The following SGSM1 variants were observed in gnomAD, a reference collection of about 807,000 sequenced individuals.
SGSM1 encodes the protein RUN and TBC1 domain containing 2.
A neutral mutation model predicts 133.8 loss-of-function variants in SGSM1; 73 were observed. The observed-to-expected ratio is 0.55, with a 90% CI of 0.45 to 0.66. SGSM1 has a LOEUF of 0.66. Among genes scored for constraint, SGSM1 ranks in the 30% least tolerant of loss-of-function variants. The pLI, the probability that SGSM1 is intolerant of heterozygous loss-of-function variation, is 0.00. For synonymous variants in SGSM1, 563 were observed against 573.0 expected (o/e 0.98, Z 0.25); for missense variants, 1,213 against 1,448.1 (o/e 0.84, Z 2.64).
chr22:24,823,073 A>G (rs1928576010), intron 2 of SGSM1, among the ~76,000 whole-genome samples: 1 of 152,104 alleles, frequency 6.6e-6, no homozygotes, highest in Admixed American at 6.5e-5. Context: ...TTGCCCTGCC[A>G]TTTCTAAGCC....
chr22:24,864,981 A>G (rs1441398013), intron 9 of SGSM1, among the ~76,000 whole-genome samples: 1 of 152,216 alleles, frequency 6.6e-6, no homozygotes, highest in Non-Finnish European at 1.5e-5. Flanking sequence ...ACCACTGAAT[A>G]AGCATATAGG....
chr22:24,871,284 G>A (rs965558004), intron 12 of SGSM1, among the ~76,000 whole-genome samples: 3 of 152,180 alleles, frequency 2.0e-5, no homozygotes, highest in African/African-American at 7.2e-5. Context: ...ATTCAGCTCT[G>A]CCACTGCGGT....
intron 14 of SGSM1, among the ~76,000 whole-genome samples, chr22:24,881,521 G>A (rs1932323299): frequency 6.6e-6 from 1 of 151,462 alleles, no homozygotes; most frequent in East Asian, 1.9e-4. Flanking sequence ...AGTTGAGATC[G>A]CGCCACTGCA....
intron 2 of SGSM1, among the ~76,000 whole-genome samples, chr22:24,823,088 G>A (rs768538680): frequency 3.9e-5 from 6 of 152,118 alleles, no homozygotes; most frequent in Non-Finnish European, 7.3e-5. Context: ...TAAGCCTTGT[G>A]CTCTCGGGCA....
In SGSM1 at chr22:24,901,813, C is replaced by G. The variant is rs9620456; in HGVS notation, c.2611-20C>G. On this transcript the variant is annotated intron_variant, in intron 19 of 24. Coordinates refer to ENST00000400358, the MANE Select transcript of SGSM1 (RefSeq NM_001098497.3). ...GATTTTTCATTTCTTCCCCCTACCC[C>G]CTGCCCCGATGGCCTATAGCCAGAG... The G allele has an allele frequency of 1.6e-3, 2,505 of 1,611,248 alleles. 26 individuals carry two copies. In the African/African-American group the frequency reaches 0.028, roughly 18 times the overall value.
intron 4 of SGSM1, among the ~76,000 whole-genome samples, chr22:24,849,470 T>C (rs1017486341): frequency 6.6e-6 from 1 of 152,120 alleles, no homozygotes; most frequent in Admixed American, 6.5e-5. Context: ...GGAGAATCGC[T>C]TGAACCCAGG....
chr22:24,827,840 A>G (rs1448327591), intron 2 of SGSM1, among the ~76,000 whole-genome samples: 2 of 151,944 alleles, frequency 1.3e-5, no homozygotes, highest in African/African-American at 4.8e-5. Context: ...GTGACTCCAC[A>G]TTCTGGGCTC....
intron 22 of SGSM1, among the ~76,000 whole-genome samples, chr22:24,913,570 C>T (rs1240163747): frequency 6.6e-6 from 1 of 152,208 alleles, no homozygotes; most frequent in Non-Finnish European, 1.5e-5. Flanking sequence ...ATTATGGATG[C>T]TTTATTATCT....
At chr22:24,895,525 C>A (rs765561914) in intron 18 of SGSM1, among the ~76,000 whole-genome samples, 1 of 152,148 alleles carries the variant, frequency 6.6e-6, no homozygotes, top group Non-Finnish European at 1.5e-5. Flanking sequence ...CTGCTTTGAT[C>A]GTCCTTAATC....
intron 2 of SGSM1, among the ~76,000 whole-genome samples, chr22:24,824,526 A>G (rs1928686173): frequency 6.6e-6 from 1 of 150,992 alleles, no homozygotes. Flanking sequence ...CCCAACTGTC[A>G]CCTCCTGTGT....
rs1930386685 is a variant in SGSM1 at position 24,850,388 on chromosome 22, G to A, written c.411G>A (p.Glu137=). The A allele has an allele frequency of 3.1e-6, 5 of 1,614,012 alleles. No individual in the cohort carries two copies. The highest frequency in any genetic ancestry group is 4.2e-6 in the Non-Finnish European group (5 of 1,179,914). Residue 137 remains glutamate, a synonymous_variant, in exon 5 of 25, where the codon GAG becomes GAA. Transcript: ENST00000400358. ...KHLWIRTALF[E]KVLDKIVHYL... is the part of the protein sequence containing the mutation. The stretch of plus-strand genomic sequence containing the variant: ...TGTGGATTCGCACAGCCTTGTTTGA[G>A]AAGGTCCTGGACAAAATTGTGCATT...
At chr22:24,899,034 A>AC (rs1933026046) in intron 19 of SGSM1, among the ~76,000 whole-genome samples, 1 of 148,206 alleles carries the variant, frequency 6.7e-6, no homozygotes, top group Non-Finnish European at 1.5e-5. Context: ...AAAAAAAAAA[A>AC]AAAAAAAAAA....
chr22:24,850,019 C>T (rs1180134824), intron 4 of SGSM1, among the ~76,000 whole-genome samples: 1 of 152,122 alleles, frequency 6.6e-6, no homozygotes, highest in African/African-American at 2.4e-5. Flanking sequence ...ACCCTCCTTT[C>T]CAGGAGAGAG....
intron 19 of SGSM1, among the ~76,000 whole-genome samples, chr22:24,900,953 G>A (rs909635792): frequency 4.6e-5 from 7 of 152,158 alleles, no homozygotes; most frequent in African/African-American, 1.7e-4. Flanking sequence ...TCTTTCTAGT[G>A]CCAGGGAAAT....
chr22:24,858,635 C>CAAAAAAAAAAAAAA (rs139699), intron 8 of SGSM1, among the ~76,000 whole-genome samples: 34 of 83,024 alleles, frequency 4.1e-4, no homozygotes, highest in African/African-American at 1.2e-3. Flanking sequence ...GACTCCATCT[C>CAAAAAAAAAAAAAA]AAAAAAAAAA....
At chr22:24,852,604 T>C (rs567761453) in intron 5 of SGSM1, among the ~76,000 whole-genome samples, 16 of 152,216 alleles carry the variant, frequency 1.1e-4, no homozygotes, top group African/African-American at 3.9e-4. Flanking sequence ...CCACCACTCC[T>C]GGCTAATTTA....
intron 2 of SGSM1, among the ~76,000 whole-genome samples, chr22:24,823,575 TG>T (rs1226557600): frequency 6.6e-6 from 1 of 151,974 alleles, no homozygotes; most frequent in Non-Finnish European, 1.5e-5. Flanking sequence ...CACTCCAGCC[TG>T]GGCAACAGAG....
At chr22:24,816,412 TC>T (rs1177344778) in intron 2 of SGSM1, among the ~76,000 whole-genome samples, 1 of 122,310 alleles carries the variant, frequency 8.2e-6, no homozygotes, top group African/African-American at 2.7e-5. Context: ...TTCTTTTTTT[TC>T]TTTCTTTTTT....
intron 2 of SGSM1, among the ~76,000 whole-genome samples, chr22:24,825,078 G>A (rs1928722868): frequency 6.6e-6 from 1 of 152,198 alleles, no homozygotes; most frequent in Admixed American, 6.5e-5. Context: ...AGGGGATGGG[G>A]AGTCCAGGAA....
Sources: gnomAD v4.1 joint callset for allele counts (sites outside exome capture counted in the v4.1 genomes callset) on GRCh38, gnomAD v4.1.1 for gene constraint, MANE v1.5 for transcripts, NCBI Gene and HGNC (gene_info 2026-07-23, HGNC 2026-07-21) for gene names.